Variants in HKDC1 observed in about 807,000 individuals in gnomAD.
The protein encoded by HKDC1 is hexokinase domain containing 1.
A neutral mutation model predicts 96.6 loss-of-function variants in HKDC1; 66 were observed. The observed-to-expected ratio is 0.68, with a 90% CI of 0.56 to 0.84. The LOEUF (loss-of-function observed/expected upper bound fraction) is 0.84, where lower values mean the gene tolerates loss of function less well. Ranked by LOEUF, HKDC1 falls within the 40% of genes least tolerant of loss-of-function variation. HKDC1 has a pLI of 0.00. For missense variants in HKDC1, 1,211 were observed against 1,208.1 expected, an observed-to-expected ratio of 1.00 and a Z score of -0.04; for synonymous variants, 466 against 473.1, an observed-to-expected ratio of 0.98 and a Z score of 0.20.
chr10:69,229,132 C>G (rs1024628015), intron 2 of HKDC1, among the ~76,000 whole-genome samples: 1 of 152,214 alleles, frequency 6.6e-6, no homozygotes, highest in Non-Finnish European at 1.5e-5. Context: ...AGGGGTTTCT[C>G]CCATGTCAGG....
chr10:69,247,384 A>T lies in HKDC1; in HGVS notation c.1056A>T (p.Thr352=). The T allele has an allele frequency of 6.2e-7, 1 of 1,613,982 alleles. No homozygotes were observed. Among genetic ancestry groups the T allele is most frequent in the South Asian group, 1.1e-5 (1 of 91,074 alleles). ...MEKYKEGLAN[T]REILVDLGLE... ...GGTATAAAGAAGGCCTTGCTAATAC[A>T]AGAGAGATCCTGGTGGACCTGGGTC... is the stretch of plus-strand genomic sequence containing the variant. The change falls in exon 9 of 18, where the codon ACA becomes ACT. Residue 352 remains threonine, a synonymous_variant. Transcript: ENST00000354624.
At position 69,258,858 on chromosome 10, in the gene HKDC1, T is replaced by C. The variant is rs1843761566; in HGVS notation, c.2115T>C (p.Asn705=). ...GGGGTGAAGGGAAGATGTGCATCAATACAGAGTGGGGAGGATTTGGAGACA... is the reference window on the plus strand; with the variant it reads ...GGGGTGAAGGGAAGATGTGCATCAACACAGAGTGGGGAGGATTTGGAGACA... ...VEGGEGKMCI[N]TEWGGFGDNG... is the part of the protein sequence containing the mutation. The change falls in exon 15 of 18, where the codon AAT becomes AAC. Residue 705 remains asparagine, a synonymous_variant. Transcript: ENST00000354624. 6.2e-7 allele frequency: 1 copy of C among 1,613,578 alleles called. No individual in the cohort carries two copies. The highest frequency in any genetic ancestry group is 1.3e-5 in the African/African-American group (1 of 74,850).
At chr10:69,261,099 T>C (rs931702885) in intron 15 of HKDC1, 40 bp from the exon 16 acceptor site, 16 of 1,590,728 alleles carry the variant, frequency 1.0e-5, no homozygotes, top group Middle Eastern at 3.4e-4. Context: ...GTCTTCTGCA[T>C]TGCAGGTCTG....
chr10:69,262,410 A>G lies in HKDC1; in HGVS notation c.2372+1116A>G, dbSNP rs114511926. Among the ~76,000 whole-genome samples, 759 of 151,786 alleles carry G rather than the reference A, an allele frequency of 5.0e-3. 8 individuals carry two copies. The highest frequency in any genetic ancestry group is 0.017 in the African/African-American group (715 of 41,418). ...TAAAAGAGTATTTCACCATGGGCGC[A>G]GTGTTTTTTTTTTTAAAGTAGTTTC... On this transcript the variant is annotated intron_variant, in intron 16 of 17. Coordinates refer to ENST00000354624, the MANE Select transcript of HKDC1 (RefSeq NM_025130.4).
At chr10:69,221,835 C>T (rs528963693) in intron 1 of HKDC1, among the ~76,000 whole-genome samples, 2 of 151,230 alleles carry the variant, frequency 1.3e-5, no homozygotes, top group East Asian at 2.0e-4. Context: ...CGGGAGGCTG[C>T]GGTGGCAGGA....
At chr10:69,261,368 G>A (rs1564737708) in intron 16 of HKDC1, 74 bp downstream of exon 16, 2 of 1,478,882 alleles carry the variant, frequency 1.4e-6, no homozygotes, top group East Asian at 2.3e-5. Flanking sequence ...GGGCCAATTT[G>A]AGGTTTAAAA....
chr10:69,250,514 G>T lies in HKDC1; in HGVS notation c.1717-19G>T, dbSNP rs369061686. 7 of 1,593,638 alleles carry T rather than the reference G, an allele frequency of 4.4e-6. No individual in the cohort carries two copies. Among genetic ancestry groups the T allele is most frequent in the African/African-American group, 2.7e-5 (2 of 73,962 alleles). On this transcript the variant is annotated intron_variant, in intron 11 of 17. Transcript: ENST00000354624. ...TCGATGTCCGCCTGGTGTGAATGCC[G>T]CTCTCTCTCTCTCTGCAGCTCTTTG...
At chr10:69,236,651 A>G (rs1272133272) in intron 4 of HKDC1, among the ~76,000 whole-genome samples, 2 of 151,786 alleles carry the variant, frequency 1.3e-5, no homozygotes, top group Non-Finnish European at 2.9e-5. Context: ...GTGGTGGCAC[A>G]TGCCTGTAAT....
chr10:69,250,557 A>T lies in HKDC1; in HGVS notation c.1741A>T (p.Ile581Phe). The T allele has an allele frequency of 6.2e-7, 1 of 1,614,100 alleles. No individual in the cohort carries two copies. Among genetic ancestry groups the T allele is most frequent in the Non-Finnish European group, 8.5e-7 (1 of 1,180,008 alleles). The change falls in exon 12 of 18, where the codon ATC (isoleucine) becomes TTC (phenylalanine). Residue 581 changes from isoleucine to phenylalanine, a missense_variant. Ile to Phe is a conservative substitution (Grantham distance 21). Coordinates refer to ENST00000354624, the MANE Select transcript of HKDC1 (RefSeq NM_025130.4). ...GCTCTTTGATCACATTGTGCAGTGC[A>T]TCGCCGACTTCCTGGACTACATGGG... ...EELFDHIVQCIADFLDYMGLK... is the reference protein window; with the variant it reads ...EELFDHIVQCFADFLDYMGLK...
At chr10:69,229,468 C>T (rs946028352) in intron 2 of HKDC1, among the ~76,000 whole-genome samples, 6 of 152,178 alleles carry the variant, frequency 3.9e-5, no homozygotes, top group East Asian at 1.9e-4. Flanking sequence ...AGTACTGGGA[C>T]GTGTCCTTGA....
intron 12 of HKDC1, among the ~76,000 whole-genome samples, chr10:69,256,537 T>C (rs1843718617): frequency 6.6e-6 from 1 of 152,050 alleles, no homozygotes; most frequent in South Asian, 2.1e-4. Flanking sequence ...TGAAACCCCA[T>C]CTCTACTAAA....
Position 69,233,062 on chromosome 10 carries a change from G to A in HKDC1, c.424G>A (p.Asp142Asn), listed in dbSNP as rs555319606. 1 of 1,614,164 alleles carries A rather than the reference G, an allele frequency of 6.2e-7. No homozygotes were observed. Among genetic ancestry groups the A allele is most frequent in the Non-Finnish European group, 8.5e-7 (1 of 1,180,040 alleles). The change falls in exon 4 of 18, where the codon GAT becomes AAT. Residue 142 changes from aspartate (D) to asparagine (N), a missense_variant. Physicochemically the swap from Asp to Asn is conservative, Grantham distance 23. Coordinates refer to ENST00000354624, the MANE Select transcript of HKDC1 (RefSeq NM_025130.4). ...TCTGGCAGATTTCATGAAGACCAAA[G>A]ATTTAAAGCATAAGAAATTGCCCCT... is the stretch of plus-strand genomic sequence containing the variant. The part of the protein sequence containing the change: ...DCLADFMKTK[D>N]LKHKKLPLGL...
intron 16 of HKDC1, chr10:69,261,752 A>G (rs1843813981): frequency 5.6e-6 from 1 of 177,036 alleles, no homozygotes; most frequent in African/African-American, 2.4e-5. Flanking sequence ...TTGCATCAGT[A>G]TCCAGACAAA....
At position 69,220,475 on chromosome 10, in the gene HKDC1, C is replaced by A. The variant is rs781349629; in HGVS notation, c.40C>A (p.Leu14Met). 7.5e-6 allele frequency: 12 copies of A among 1,600,564 alleles called. No individual in the cohort carries two copies. The highest frequency in any genetic ancestry group is 9.4e-6 in the Non-Finnish European group (11 of 1,174,340). Residue 14 changes from leucine (L) to methionine (M), a missense_variant, in exon 1 of 18, where the codon CTG (leucine) becomes ATG (methionine). Physicochemically the swap from Leu to Met is conservative, Grantham distance 15. Transcript: ENST00000354624. ...VHLMAFYFSK[L>M]KEDQIKKVDR... ...CTTGATGGCATTTTACTTCAGCAAG[C>A]TGAAGGAGGACCAGATCAAGAAGGT... is the stretch of plus-strand genomic sequence containing the variant.
At chr10:69,257,660 A>G (rs1843740040) in intron 14 of HKDC1, among the ~76,000 whole-genome samples, 1 of 150,572 alleles carries the variant, frequency 6.6e-6, no homozygotes, top group Admixed American at 6.6e-5. Context: ...AGATTTTTAA[A>G]TAAGGACCTT....
At chr10:69,257,235 C>T in intron 13 of HKDC1, 92 bp from the exon 14 acceptor site, 1 of 1,445,936 alleles carries the variant, frequency 6.9e-7, no homozygotes, top group Non-Finnish European at 9.7e-7. Flanking sequence ...CTCTGTCTGC[C>T]TTGGGATAAC....
intron 1 of HKDC1, among the ~76,000 whole-genome samples, chr10:69,226,187 G>A (rs1489450236): frequency 6.6e-6 from 1 of 152,126 alleles, no homozygotes; most frequent in Non-Finnish European, 1.5e-5. Flanking sequence ...ACCAACAAGA[G>A]GACTGATTTT....
At chr10:69,235,745 G>A (rs1480962668) in intron 4 of HKDC1, among the ~76,000 whole-genome samples, 2 of 152,140 alleles carry the variant, frequency 1.3e-5, no homozygotes, top group East Asian at 1.9e-4. Context: ...GCTTGGCAGC[G>A]GAGGGTGTGA....
rs186553119 is a variant in HKDC1 at position 69,233,843 on chromosome 10, A to G, written c.495+710A>G. On this transcript the variant is annotated intron_variant, in intron 4 of 17. Coordinates refer to ENST00000354624, the MANE Select transcript of HKDC1 (RefSeq NM_025130.4). The stretch of plus-strand genomic sequence containing the variant: ...AACCCGGGAGGCGGAGCTTGCAGTG[A>G]GCCGAGATTGTGCCACTGCACTCCA... 5.0e-3 allele frequency among the ~76,000 whole-genome samples: 672 copies of G among 133,126 alleles called. 1 individual carries two copies. Among genetic ancestry groups the G allele is most frequent in the Non-Finnish European group, 7.9e-3 (513 of 64,642 alleles). The allele number at this position is 133,126 out of a possible 152,430, so 87.3% of individuals were successfully genotyped here.
Sources: gnomAD v4.1 joint callset for allele counts (sites outside exome capture counted in the v4.1 genomes callset) on GRCh38, gnomAD v4.1.1 for gene constraint, MANE v1.5 for transcripts, NCBI Gene and HGNC (gene_info 2026-07-23, HGNC 2026-07-21) for gene names.